The following AQR variants were observed in gnomAD, a reference collection of about 807,000 sequenced individuals.
AQR encodes the protein aquarius intron-binding spliceosomal factor.
In AQR, 61 loss-of-function variants were observed where a neutral mutation model predicts 180.5. The ratio of observed to expected loss-of-function variants is 0.34; its 90% CI spans 0.28 to 0.42. The LOEUF (loss-of-function observed/expected upper bound fraction) is 0.42. Among genes scored for constraint, AQR ranks in the 10% least tolerant of loss-of-function variants. The probability of loss-of-function intolerance (pLI) is 1.00; values close to 1 mark genes in which losing one functional copy is unlikely to be tolerated. For synonymous variants in AQR, 551 were observed against 588.8 expected (o/e 0.94, Z 0.93); for missense variants, 1,281 against 1,798.3 (o/e 0.71, Z 5.20).
intron 29 of AQR, 146 bp from the exon 30 acceptor site, chr15:34,874,145 T>G: frequency 1.3e-6 from 1 of 768,872 alleles, no homozygotes; most frequent in East Asian, 3.1e-5. Flanking sequence ...ATAATGCTCT[T>G]TCAACCTTAG....
In AQR at chr15:34,893,649, ACACAGT is replaced by A; in HGVS notation, c.2571+8_2571+13del. The stretch of plus-strand genomic sequence containing the variant: ...CACACACACACACACACACACACAC[ACACAGT>A]CATTTACCTGATTGGAATGAGTAAC... On this transcript the variant is annotated splice_region_variant and intron_variant, in intron 23 of 34. Transcript: ENST00000156471. The A allele has an allele frequency of 6.3e-7, 1 of 1,591,614 alleles. No individual in the cohort carries two copies. The highest frequency in any genetic ancestry group is 1.1e-5 in the South Asian group (1 of 90,632).
chr15:34,875,837 CTA>C, intron 28 of AQR, 96 bp downstream of exon 28: 1 of 877,108 alleles, frequency 1.1e-6, no homozygotes, highest in African/African-American at 1.7e-5. Context: ...AAATACATAA[CTA>C]TGGCAATCAG....
At chr15:34,878,806 T>G (rs1174053814) in intron 27 of AQR, among the ~76,000 whole-genome samples, 1 of 152,072 alleles carries the variant, frequency 6.6e-6, no homozygotes, top group Non-Finnish European at 1.5e-5. Flanking sequence ...CGAGGCTGGA[T>G]CACTTGAGGT....
At chr15:34,891,089 C>G (rs1270802045) in intron 23 of AQR, among the ~76,000 whole-genome samples, 1 of 152,126 alleles carries the variant, frequency 6.6e-6, no homozygotes, top group Non-Finnish European at 1.5e-5. Context: ...GTCTTATAAA[C>G]ACCTAGGTTA....
chr15:34,926,770 G>T (rs772423583), intron 13 of AQR, among the ~76,000 whole-genome samples: 6 of 152,086 alleles, frequency 3.9e-5, no homozygotes, highest in Non-Finnish European at 8.8e-5. Context: ...TGATGAGATT[G>T]ACCAGCTTTA....
chr15:34,856,190 C>G lies in AQR; in HGVS notation c.*602G>C, dbSNP rs1160732827. The G allele has an allele frequency of 5.5e-6, 1 of 182,376 alleles. No individual in the cohort carries two copies. Among genetic ancestry groups the G allele is most frequent in the African/African-American group, 2.3e-5 (1 of 43,110 alleles). 11.3% of individuals were successfully genotyped at this position (182,376 alleles called of 1,614,324 possible). A position where few individuals can be genotyped will look rare whatever the true frequency, so the allele number is the denominator to read the frequency against. On this transcript the variant is annotated 3_prime_UTR_variant, in exon 35 of 35. Coordinates refer to ENST00000156471, the MANE Select transcript of AQR (RefSeq NM_014691.3). ...AGGCTCTAATCCTGAGATTCTGACT[C>G]ATTCAGTCTGAGGTGTGCCTCAAGA...
chr15:34,910,477 A>G (rs1346646129), intron 16 of AQR, among the ~76,000 whole-genome samples, 164 bp from the exon 17 acceptor site: 1 of 152,230 alleles, frequency 6.6e-6, no homozygotes, highest in Non-Finnish European at 1.5e-5. Flanking sequence ...TTTAACTCTC[A>G]AAGTATGCAA....
chr15:34,964,126 C>A (rs952735834), intron 2 of AQR, 108 bp downstream of exon 2: 11 of 772,822 alleles, frequency 1.4e-5, no homozygotes, highest in Non-Finnish European at 2.3e-5. Context: ...TTTTGTAGAT[C>A]GTTAGGTTGT....
chr15:34,948,307 C>A lies in AQR; in HGVS notation c.287G>T (p.Cys96Phe). Residue 96 changes from cysteine (C) to phenylalanine (F), a missense_variant, in exon 5 of 35, where the codon TGT becomes TTT. Cys to Phe is a radical substitution (Grantham distance 205). Around this residue, in one of 9 missense-constraint regions of AQR, gnomAD observed 404 missense variants for 490.9 expected, o/e 0.82. Coordinates refer to ENST00000156471, the MANE Select transcript of AQR (RefSeq NM_014691.3). ...TTCTCTAAACTTCTCATTCACCATA[C>A]AGCAGATTGACATTAAATAGGCCTT... is the stretch of plus-strand genomic sequence containing the variant. ...SSKAYLMSIC[C>F]MVNEKFRENV... The A allele has an allele frequency of 1.2e-6, 2 of 1,613,700 alleles. No individual in the cohort carries two copies. Among genetic ancestry groups the A allele is most frequent in the Non-Finnish European group, 1.7e-6 (2 of 1,179,972 alleles).
intron 10 of AQR, among the ~76,000 whole-genome samples, chr15:34,932,667 T>C (rs1200175014): frequency 2.0e-5 from 3 of 152,094 alleles, no homozygotes; most frequent in Non-Finnish European, 4.4e-5. Context: ...TAAGATAAAA[T>C]TGAAAATAAA....
At chr15:34,928,589 T>C (rs1893801962) in intron 12 of AQR, among the ~76,000 whole-genome samples, 1 of 152,220 alleles carries the variant, frequency 6.6e-6, no homozygotes, top group Non-Finnish European at 1.5e-5. Flanking sequence ...CTTTATCCAG[T>C]CTATCGTTGA....
intron 33 of AQR, among the ~76,000 whole-genome samples, chr15:34,861,078 T>C (rs1385876493): frequency 6.6e-6 from 1 of 152,216 alleles, no homozygotes; most frequent in East Asian, 1.9e-4. Flanking sequence ...TCCTTTCTTA[T>C]GATAGGAACA....
intron 27 of AQR, among the ~76,000 whole-genome samples, chr15:34,881,600 A>T (rs1892974385): frequency 6.6e-6 from 1 of 152,216 alleles, no homozygotes; most frequent in African/African-American, 2.4e-5. Context: ...AGTGAGTCAC[A>T]GATTAACAGG....
chr15:34,937,965 T>C (rs2140495391), intron 9 of AQR, among the ~76,000 whole-genome samples: 1 of 150,906 alleles, frequency 6.6e-6, no homozygotes, highest in East Asian at 1.9e-4. Context: ...TACTTACTTT[T>C]TAAATCAGTA....
chr15:34,926,774 A>T (rs1243763118), intron 13 of AQR, among the ~76,000 whole-genome samples: 1 of 152,216 alleles, frequency 6.6e-6, no homozygotes, highest in Non-Finnish European at 1.5e-5. Context: ...GAGATTGACC[A>T]GCTTTATATT....
intron 17 of AQR, 148 bp downstream of exon 17, chr15:34,909,987 A>C (rs1175964537): frequency 2.4e-6 from 2 of 831,940 alleles, no homozygotes; most frequent in Non-Finnish European, 3.6e-6. Flanking sequence ...ATTAGAAAAA[A>C]AGTTGCTATT....
At chr15:34,866,072 C>CA (rs1003233279) in intron 32 of AQR, among the ~76,000 whole-genome samples, 4 of 151,836 alleles carry the variant, frequency 2.6e-5, no homozygotes, top group Non-Finnish European at 4.4e-5. Flanking sequence ...ATAATGTTAT[C>CA]AAAAAAATGA....
intron 33 of AQR, among the ~76,000 whole-genome samples, chr15:34,862,501 G>T (rs1280249994): frequency 6.6e-6 from 1 of 152,076 alleles, no homozygotes; most frequent in Non-Finnish European, 1.5e-5. Context: ...TGTATGTAAA[G>T]AACTGCCTGC....
At chr15:34,875,223 G>A (rs755872910) in intron 28 of AQR, among the ~76,000 whole-genome samples, 2 of 152,110 alleles carry the variant, frequency 1.3e-5, no homozygotes, top group Non-Finnish European at 2.9e-5. Context: ...GGAAAGATGC[G>A]AAATAAACAT....
Sources: allele counts gnomAD v4.1 joint callset (sites outside exome capture counted in the v4.1 genomes callset), GRCh38; gene constraint gnomAD v4.1.1; regional missense constraint gnomAD v4.1.1; transcripts MANE v1.5; gene names NCBI Gene and HGNC (gene_info 2026-07-23, HGNC 2026-07-21).